JMJD1C: variants seen among roughly 807,000 people sequenced by gnomAD.
JMJD1C encodes the protein jumonji domain-containing protein 1C.
In JMJD1C, 31 loss-of-function variants were observed where a neutral mutation model predicts 245.3. The ratio of observed to expected loss-of-function variants is 0.13; its 90% CI spans 0.09 to 0.17. The LOEUF (loss-of-function observed/expected upper bound fraction) is 0.17. JMJD1C is among the 10% of genes least tolerant of loss of function. The pLI, the probability that JMJD1C is intolerant of heterozygous loss-of-function variation, is 1.00. For synonymous variants in JMJD1C, 1,057 were observed against 1,017.4 expected, an observed-to-expected ratio of 1.04 and a Z score of -0.74; for missense variants, 2,691 against 3,000.2, an observed-to-expected ratio of 0.90 and a Z score of 2.41.
intron 1 of JMJD1C, among the ~76,000 whole-genome samples, chr10:63,429,388 T>G (rs559909985): frequency 6.6e-6 from 1 of 152,294 alleles, no homozygotes; most frequent in African/African-American, 2.4e-5. Context: ...ATACTGGAAC[T>G]TAAATACTGC....
intron 2 of JMJD1C, among the ~76,000 whole-genome samples, chr10:63,265,014 C>T (rs1219331155): frequency 1.3e-5 from 2 of 152,004 alleles, no homozygotes; most frequent in Non-Finnish European, 2.9e-5. Context: ...CAACTGTTTA[C>T]TTTTAAAAAG....
intron 2 of JMJD1C, among the ~76,000 whole-genome samples, chr10:63,306,931 G>A (rs988553924): frequency 2.0e-5 from 3 of 152,214 alleles, no homozygotes; most frequent in South Asian, 2.1e-4. Flanking sequence ...AGGGTTAAAC[G>A]TCCTGGAGTT....
intron 2 of JMJD1C, among the ~76,000 whole-genome samples, chr10:63,328,751 T>G (rs4520480): frequency 0.015 from 2,253 of 152,328 alleles, 50 homozygotes; most frequent in African/African-American, 0.052. Flanking sequence ...AAATAGCTAA[T>G]AAGTAGAATT....
intron 1 of JMJD1C, among the ~76,000 whole-genome samples, chr10:63,404,940 AAGT>A (rs1181271146): frequency 6.6e-6 from 1 of 152,210 alleles, no homozygotes; most frequent in Non-Finnish European, 1.5e-5. Flanking sequence ...TCAATCCAAA[AAGT>A]AGGAGTCTTT....
rs779141014 is a variant in JMJD1C, at chr10:63,217,276, G to A, written c.609C>T (p.Thr203=). The A allele has an allele frequency of 6.2e-7, 1 of 1,611,120 alleles. No homozygotes were observed. The highest frequency in any genetic ancestry group is 8.5e-7 in the Non-Finnish European group (1 of 1,177,816). The part of the protein sequence containing the change: ...RVRVYRQDSA[T]QWFTGIITHH... The stretch of plus-strand genomic sequence containing the variant: ...GAGTAATTATGCCAGTAAACCACTG[G>A]GTGGCAGAGTCTTGTCTATATACTC... Residue 203 remains threonine, a synonymous_variant, in exon 5 of 26, where the codon ACC becomes ACT. Coordinates refer to ENST00000399262, the MANE Select transcript of JMJD1C (RefSeq NM_032776.3).
At chr10:63,372,910 C>A (rs368934071) in intron 2 of JMJD1C, 3 of 172,190 alleles carry the variant, frequency 1.7e-5, no homozygotes, top group South Asian at 1.7e-4. Context: ...GCTGGGCCAG[C>A]GGAAAAGTAG....
At chr10:63,185,741 G>A in intron 19 of JMJD1C, 88 bp from the exon 20 acceptor site, 1 of 779,242 alleles carries the variant, frequency 1.3e-6, no homozygotes, top group Non-Finnish European at 2.2e-6. Context: ...ATGAATGAAT[G>A]ATTTGATTGT....
At chr10:63,390,687 G>C (rs1217564224) in intron 1 of JMJD1C, among the ~76,000 whole-genome samples, 1 of 152,082 alleles carries the variant, frequency 6.6e-6, no homozygotes, top group Non-Finnish European at 1.5e-5. Flanking sequence ...AAAACATCAA[G>C]ATCAAGTGAA....
At chr10:63,508,180 T>C (rs995168268) in intron 1 of JMJD1C, among the ~76,000 whole-genome samples, 2 of 152,234 alleles carry the variant, frequency 1.3e-5, no homozygotes, top group Admixed American at 6.5e-5. Context: ...TGTGTCTTGA[T>C]TGATTTCTTT....
At chr10:63,172,076 A>G (rs776013220) in intron 24 of JMJD1C, among the ~76,000 whole-genome samples, 28 of 152,230 alleles carry the variant, frequency 1.8e-4, no homozygotes, top group Non-Finnish European at 3.5e-4. Flanking sequence ...ACAGCTGGCA[A>G]TTTCTGTGCC....
chr10:63,492,894 C>T (rs926131679), intron 1 of JMJD1C, among the ~76,000 whole-genome samples: 2 of 151,998 alleles, frequency 1.3e-5, no homozygotes, highest in Admixed American at 6.6e-5. Context: ...TGAATAACCC[C>T]AACATGAACT....
At chr10:63,353,832 C>T (rs527276766) in intron 2 of JMJD1C, among the ~76,000 whole-genome samples, 1 of 151,464 alleles carries the variant, frequency 6.6e-6, no homozygotes, top group South Asian at 2.1e-4. Flanking sequence ...AAATTTATTA[C>T]TGAGGCTTTT....
chr10:63,275,763 C>T (rs1316005866), intron 2 of JMJD1C, among the ~76,000 whole-genome samples: 6 of 151,888 alleles, frequency 4.0e-5, no homozygotes, highest in African/African-American at 1.5e-4. Context: ...GAAAAAGATC[C>T]CATATTCTTA....
chr10:63,275,224 C>T (rs1219104600), intron 2 of JMJD1C, among the ~76,000 whole-genome samples: 1 of 152,136 alleles, frequency 6.6e-6, no homozygotes, highest in South Asian at 2.1e-4. Flanking sequence ...ATTTTTACAT[C>T]ATAAGATGGT....
At chr10:63,319,358 T>C (rs1162796071) in intron 2 of JMJD1C, among the ~76,000 whole-genome samples, 1 of 150,494 alleles carries the variant, frequency 6.6e-6, no homozygotes, top group Non-Finnish European at 1.5e-5. Context: ...CATTTGTTTG[T>C]GACTTTTTTT....
At chr10:63,426,457 T>C (rs527682307) in intron 1 of JMJD1C, among the ~76,000 whole-genome samples, 2 of 152,122 alleles carry the variant, frequency 1.3e-5, no homozygotes, top group South Asian at 2.1e-4. Context: ...TGGATCACGA[T>C]GTCAGGAGTT....
chr10:63,301,736 C>T (rs1414319114), intron 2 of JMJD1C: 1 of 450,702 alleles, frequency 2.2e-6, no homozygotes, highest in African/African-American at 2.0e-5. Flanking sequence ...GATGACGCAG[C>T]AAACCACCAT....
intron 2 of JMJD1C, among the ~76,000 whole-genome samples, chr10:63,341,863 A>C (rs1215640102): frequency 6.6e-6 from 1 of 152,222 alleles, no homozygotes; most frequent in Non-Finnish European, 1.5e-5. Context: ...TAGGTGTGGA[A>C]GGTTTTCAAA....
At chr10:63,197,058 C>T (rs947210272) in intron 13 of JMJD1C, among the ~76,000 whole-genome samples, 1 of 152,022 alleles carries the variant, frequency 6.6e-6, no homozygotes, top group African/African-American at 2.4e-5. Context: ...GGAAGCCAGC[C>T]TTGGCCTCCC....
Sources: gnomAD v4.1 joint callset for allele counts (sites outside exome capture counted in the v4.1 genomes callset) on GRCh38, gnomAD v4.1.1 for gene constraint, MANE v1.5 for transcripts, NCBI Gene and HGNC (gene_info 2026-07-23, HGNC 2026-07-21) for gene names.